Variants in CIB1 observed in about 807,000 individuals in gnomAD.
The protein encoded by CIB1 is calcium and integrin-binding protein 1.
A neutral mutation model predicts 25.0 loss-of-function variants in CIB1; 19 were observed. The observed-to-expected ratio is 0.76, with a 90% CI of 0.53 to 1.12. The LOEUF (loss-of-function observed/expected upper bound fraction) is 1.12. Among genes scored for constraint, CIB1 ranks in the 50% most tolerant of loss-of-function variants. CIB1 has a pLI of 0.00. For synonymous variants in CIB1, 104 were observed against 98.5 expected (o/e 1.06, Z -0.33); for missense variants, 236 against 242.6 (o/e 0.97, Z 0.18).
chr15:90,246,975 CCTTTTTTTTTTTTCTTTT>C, the CIB1 span, among the ~76,000 whole-genome samples: 1 of 149,848 alleles, frequency 6.7e-6, no homozygotes, highest in South Asian at 2.1e-4. Context: ...TTCTTTCTTT[CCTTTTTTTTTTTTCTTTT>C]GAGACGGAGT....
At chr15:90,247,829 C>T in the CIB1 span, among the ~76,000 whole-genome samples, 2 of 148,510 alleles carry the variant, frequency 1.3e-5, no homozygotes, top group Non-Finnish European at 2.9e-5. Flanking sequence ...TCCGGATTCA[C>T]ACCATTCTCC....
the CIB1 span, among the ~76,000 whole-genome samples, chr15:90,256,565 C>CTTTCTTTCTTTCTT: frequency 2.5e-5 from 1 of 39,422 alleles, no homozygotes; most frequent in East Asian, 9.7e-4. Context: ...TTCTTTCTTT[C>CTTTCTTTCTTTCTT]TTTCTTTCTT....
the CIB1 span, chr15:90,264,099 A>G: frequency 7.9e-7 from 1 of 1,267,222 alleles, no homozygotes; most frequent in Non-Finnish European, 1.1e-6. Flanking sequence ...TGACATATGT[A>G]AATCCCACTA....
At chr15:90,255,328 T>C in the CIB1 span, among the ~76,000 whole-genome samples, 29,575 of 152,198 alleles carry the variant, frequency 0.19, 3,732 homozygotes, top group African/African-American at 0.35. Context: ...TGCCATGGCA[T>C]CACATTCCTT....
chr15:90,232,512 T>C, intron 2 of CIB1, 185 bp from the exon 3 acceptor site: 1 of 871,842 alleles, frequency 1.1e-6, no homozygotes, highest in South Asian at 2.5e-5. Flanking sequence ...CCTAGGAGTC[T>C]ATTCTTGCAA....
At chr15:90,265,719 G>A in the CIB1 span, 2 of 1,613,142 alleles carry the variant, frequency 1.2e-6, no homozygotes, top group Non-Finnish European at 8.5e-7. Flanking sequence ...CGACATGGCG[G>A]TTACCCTGAG....
chr15:90,264,655 G>T, the CIB1 span: 1 of 1,503,232 alleles, frequency 6.7e-7, no homozygotes, highest in South Asian at 1.3e-5. Context: ...GGCCACAGTT[G>T]GGAAAGAGGT....
At chr15:90,255,803 C>T in the CIB1 span, 2 of 1,614,064 alleles carry the variant, frequency 1.2e-6, no homozygotes, top group Admixed American at 3.3e-5. Flanking sequence ...CAAAGATCTG[C>T]TGGCTCGGAA....
At chr15:90,258,761 T>C in the CIB1 span, 1 of 1,614,148 alleles carries the variant, frequency 6.2e-7, no homozygotes, top group Non-Finnish European at 8.5e-7. Flanking sequence ...CTCTCCAAGC[T>C]TTACCACGGA....
the CIB1 span, among the ~76,000 whole-genome samples, chr15:90,251,112 G>GCCTTTTTTT: frequency 1.0e-5 from 1 of 97,134 alleles, no homozygotes; most frequent in African/African-American, 4.2e-5. Flanking sequence ...ATCCTGGTCT[G>GCCTTTTTTT]TCTTTTTTTT....
At chr15:90,237,783 T>A (rs543170461), upstream of CIB1, among the ~76,000 whole-genome samples, 2 of 152,186 alleles carry the variant, frequency 1.3e-5, no homozygotes, top group Non-Finnish European at 2.9e-5. Context: ...AGATTCTCTT[T>A]TATTAGAATA....
At chr15:90,233,270 G>A (rs571377227) in intron 2 of CIB1, among the ~76,000 whole-genome samples, 2 of 152,386 alleles carry the variant, frequency 1.3e-5, no homozygotes, top group East Asian at 3.9e-4. Flanking sequence ...CATGGTGAGT[G>A]CTCAGAAAGC....
At chr15:90,263,048 A>G in the CIB1 span, 1 of 1,536,148 alleles carries the variant, frequency 6.5e-7, no homozygotes, top group Non-Finnish European at 8.7e-7. Flanking sequence ...GCCCTGCTAC[A>G]AAGGGAGACT....
the CIB1 span, chr15:90,241,669 G>A: frequency 6.2e-7 from 1 of 1,614,100 alleles, no homozygotes; most frequent in African/African-American, 1.3e-5. Context: ...CCAGCTCCTG[G>A]CTTCCTCTTT....
chr15:90,236,999 A>G (rs4932307), upstream of CIB1, among the ~76,000 whole-genome samples: 51,317 of 151,706 alleles, frequency 0.34, 9,593 homozygotes, highest in East Asian at 0.69. Flanking sequence ...TCACTCTGTC[A>G]CCAGGCTGGA....
At chr15:90,235,084 C>T (rs928923426), upstream of CIB1, among the ~76,000 whole-genome samples, 1 of 152,166 alleles carries the variant, frequency 6.6e-6, no homozygotes, top group Admixed American at 6.5e-5. Flanking sequence ...GGACTTCCTC[C>T]TATTGGCTCT....
In CIB1 at chr15:90,233,876, A is replaced by T. The variant is rs534664812; in HGVS notation, c.10T>A (p.Ser4Thr). The T allele has an allele frequency of 6.7e-7, 1 of 1,485,412 alleles. No homozygotes were observed. Among genetic ancestry groups the T allele is most frequent in the South Asian group, 1.3e-5 (1 of 74,822 alleles). 92.0% of individuals were successfully genotyped at this position (1,485,412 alleles called of 1,614,324 possible). ...AGCTCCTTGGACAGGCGACTGCCCG[A>T]GCCCCCCATCGCCCCGCCGCGCGCA... MGG[S>T]GSRLSKELLA... is the part of the protein sequence containing the mutation. Residue 4 changes from serine to threonine, a missense_variant, in exon 1 of 7, where the codon TCG (serine) becomes ACG (threonine). Coordinates refer to ENST00000328649, the MANE Select transcript of CIB1 (RefSeq NM_006384.4).
the CIB1 span, among the ~76,000 whole-genome samples, chr15:90,248,789 T>C: frequency 0.033 from 4,764 of 144,190 alleles, 271 homozygotes; most frequent in African/African-American, 0.11. Flanking sequence ...ATGGAAACAT[T>C]TTAAGTGTTC....
the CIB1 span, among the ~76,000 whole-genome samples, chr15:90,257,484 T>G: frequency 1.3e-5 from 2 of 152,108 alleles, no homozygotes; most frequent in Admixed American, 6.6e-5. Flanking sequence ...GCACACACTC[T>G]TCCCCAGGAT....
Sources: allele counts gnomAD v4.1 joint callset (sites outside exome capture counted in the v4.1 genomes callset), GRCh38; gene constraint gnomAD v4.1.1; transcripts MANE v1.5; gene names NCBI Gene and HGNC (gene_info 2026-07-23, HGNC 2026-07-21).